Variants in ACLY observed in about 807,000 individuals in gnomAD.
ACLY encodes the protein ATP-citrate synthase.
A neutral mutation model predicts 133.0 loss-of-function variants in ACLY; 41 were observed. The ratio of observed to expected loss-of-function variants is 0.31; its 90% confidence interval spans 0.24 to 0.40. The LOEUF (loss-of-function observed/expected upper bound fraction) is 0.40, where lower values mean the gene tolerates loss of function less well. Ranked by LOEUF, ACLY falls within the 10% of genes least tolerant of loss-of-function variation. The pLI, the probability that ACLY is intolerant of heterozygous loss-of-function variation, is 1.00. For synonymous variants in ACLY, 495 were observed against 549.3 expected (o/e 0.90, Z 1.38); for missense variants, 1,046 against 1,453.8 (o/e 0.72, Z 4.56).
chr17:41,927,131 G>A (rs2050253365), intron 1 of ACLY, among the ~76,000 whole-genome samples: 1 of 152,192 alleles, frequency 6.6e-6, no homozygotes. Flanking sequence ...GCCTCCCAAA[G>A]TACTAGGATT....
At chr17:41,925,214 G>A (rs1228575826) in intron 1 of ACLY, among the ~76,000 whole-genome samples, 4 of 151,532 alleles carry the variant, frequency 2.6e-5, no homozygotes, top group East Asian at 1.9e-4. Flanking sequence ...GAGGTTCAGC[G>A]AGCCGAGATC....
chr17:41,909,159 C>A (rs1267978088), intron 5 of ACLY, 91 bp from the exon 6 acceptor site: 5 of 975,158 alleles, frequency 5.1e-6, no homozygotes, highest in Non-Finnish European at 8.1e-6. Flanking sequence ...TCACTGCCAC[C>A]GACAGCTCCA....
At chr17:41,920,726 G>GT (rs2050169048), upstream of ACLY, among the ~76,000 whole-genome samples, 1 of 151,894 alleles carries the variant, frequency 6.6e-6, no homozygotes, top group African/African-American at 2.4e-5. Flanking sequence ...GGGTAACATG[G>GT]TAAGAGCCCC....
chr17:41,909,604 T>C lies in ACLY; in HGVS notation c.442A>G (p.Lys148Glu), dbSNP rs1390893020. The C allele has an allele frequency of 1.2e-6, 2 of 1,614,102 alleles. No homozygotes were observed. Among genetic ancestry groups the C allele is most frequent in the Non-Finnish European group, 1.7e-6 (2 of 1,180,046 alleles). The change falls in exon 5 of 29, where the codon AAG becomes GAG. Residue 148 changes from lysine (K) to glutamate (E), a missense_variant. Physicochemically the swap from Lys to Glu is moderately conservative, Grantham distance 56. Coordinates refer to ENST00000352035, the MANE Select transcript of ACLY (RefSeq NM_001096.3). ...GGVDVGDVDA[K>E]AQKLLVGVDE... The stretch of plus-strand genomic sequence containing the variant: ...ACGCCAACAAGCAGCTTCTGGGCCT[T>C]GGCGTCCACATCACCCACGTCCACA...
intron 6 of ACLY, 77 bp downstream of exon 6, chr17:41,908,912 G>T: frequency 8.1e-7 from 1 of 1,241,098 alleles, no homozygotes; most frequent in Non-Finnish European, 1.2e-6. Flanking sequence ...TGGGAGTCTG[G>T]TTCTCTGAAT....
intron 7 of ACLY, 30 bp downstream of exon 7, chr17:41,907,412 G>T: frequency 1.3e-6 from 2 of 1,501,214 alleles, no homozygotes; most frequent in South Asian, 1.1e-5. Context: ...CCTCCCCCCA[G>T]TCCCCATCTC....
At chr17:41,883,383 C>CTCCT in intron 19 of ACLY, 151 bp from the exon 20 acceptor site, 1 of 625,242 alleles carries the variant, frequency 1.6e-6, no homozygotes, top group Non-Finnish European at 2.8e-6. Flanking sequence ...AAGGAACAAA[C>CTCCT]AGCAGGTCTC....
At chr17:41,922,472 A>C (rs1555635549), upstream of ACLY, among the ~76,000 whole-genome samples, 2 of 151,962 alleles carry the variant, frequency 1.3e-5, no homozygotes, top group East Asian at 1.9e-4. Context: ...AAAAAAAAGA[A>C]AGACAAATAC....
chr17:41,917,863 A>T (rs554851705), intron 1 of ACLY, among the ~76,000 whole-genome samples: 15 of 152,122 alleles, frequency 9.9e-5, no homozygotes, highest in Non-Finnish European at 1.5e-4. Context: ...ATCTGGGCAA[A>T]TGAGACCTAC....
chr17:41,917,738 G>A (rs1248326317), intron 1 of ACLY, among the ~76,000 whole-genome samples: 1 of 152,070 alleles, frequency 6.6e-6, no homozygotes, highest in Non-Finnish European at 1.5e-5. Flanking sequence ...CCCTTACTGC[G>A]GCAGGCATAG....
chr17:41,892,679 CTT>C (rs1289356665), intron 15 of ACLY, among the ~76,000 whole-genome samples: 1 of 148,432 alleles, frequency 6.7e-6, no homozygotes, highest in African/African-American at 2.5e-5. Flanking sequence ...CAAGCCTTGC[CTT>C]TTTTTTTTCT....
At chr17:41,883,579 T>G (rs552054334) in intron 19 of ACLY, among the ~76,000 whole-genome samples, 90 of 126,560 alleles carry the variant, frequency 7.1e-4, no homozygotes, top group African/African-American at 2.5e-3. Flanking sequence ...CGCTTTTTTT[T>G]TGCTTTTTTT....
chr17:41,900,457 C>T (rs992975095), intron 11 of ACLY, among the ~76,000 whole-genome samples: 5 of 151,608 alleles, frequency 3.3e-5, no homozygotes, highest in South Asian at 2.1e-4. Flanking sequence ...TAGTGGCTCA[C>T]GTCTATAATC....
chr17:41,895,946 G>T (rs1018008673), intron 14 of ACLY, among the ~76,000 whole-genome samples: 124 of 152,314 alleles, frequency 8.1e-4, no homozygotes, highest in African/African-American at 2.8e-3. Flanking sequence ...CGCATGCACA[G>T]AAGTATCCAC....
intron 22 of ACLY, among the ~76,000 whole-genome samples, chr17:41,876,341 C>T (rs1378775560): frequency 6.6e-6 from 1 of 151,498 alleles, no homozygotes; most frequent in Non-Finnish European, 1.5e-5. Flanking sequence ...AGGTGAGGGG[C>T]GCCTCTGCCC....
At chr17:41,913,973 T>C in intron 1 of ACLY, 77 bp from the exon 2 acceptor site, 1 of 1,392,416 alleles carries the variant, frequency 7.2e-7, no homozygotes, top group Non-Finnish European at 9.9e-7. Context: ...GCAGACCCAC[T>C]CCCAGTTGCC....
intron 16 of ACLY, among the ~76,000 whole-genome samples, chr17:41,888,553 T>G (rs2049115225): frequency 6.6e-6 from 1 of 152,184 alleles, no homozygotes; most frequent in African/African-American, 2.4e-5. Flanking sequence ...TCTCTTTGGC[T>G]CTAAACCAGG....
chr17:41,889,230 A>C (rs551203747), intron 16 of ACLY, among the ~76,000 whole-genome samples: 148 of 152,170 alleles, frequency 9.7e-4, no homozygotes, highest in African/African-American at 2.4e-3. Context: ...TAAACTAAAG[A>C]AGCAGCAGCC....
intron 4 of ACLY, 99 bp from the exon 5 acceptor site, chr17:41,909,799 A>G: frequency 9.5e-7 from 1 of 1,049,386 alleles, no homozygotes; most frequent in South Asian, 1.6e-5. Flanking sequence ...GTACTGGGAG[A>G]GGAAACCAAT....
Sources: allele counts gnomAD v4.1 joint callset (sites outside exome capture counted in the v4.1 genomes callset), GRCh38; gene constraint gnomAD v4.1.1; transcripts MANE v1.5; gene names NCBI Gene and HGNC (gene_info 2026-07-23, HGNC 2026-07-21).